C8orf34: variants seen among roughly 807,000 people sequenced by gnomAD.
The protein encoded by C8orf34 is uncharacterized protein C8orf34.
In C8orf34, 65 loss-of-function variants were observed where a neutral mutation model predicts 68.3. That is an observed-to-expected ratio of 0.95 (90% confidence interval 0.78 to 1.17). C8orf34 has a LOEUF of 1.17. Among genes scored for constraint, C8orf34 ranks in the 50% most tolerant of loss-of-function variants. C8orf34 has a pLI of 0.00. For missense variants in C8orf34, 664 were observed against 655.4 expected (o/e 1.01, Z -0.14); for synonymous variants, 244 against 241.2 (o/e 1.01, Z -0.11).
intron 10 of C8orf34, among the ~76,000 whole-genome samples, chr8:68,752,908 T>G (rs1822748994): frequency 6.6e-6 from 1 of 152,210 alleles, no homozygotes; most frequent in Non-Finnish European, 1.5e-5. Context: ...AGGATTTCTC[T>G]CTAGTTAGCT....
chr8:68,557,451 GT>G (rs1354249182), intron 7 of C8orf34, among the ~76,000 whole-genome samples: 3 of 152,094 alleles, frequency 2.0e-5, no homozygotes, highest in Non-Finnish European at 4.4e-5. Flanking sequence ...TCAAATTACT[GT>G]TTATTAGACA....
intron 8 of C8orf34, among the ~76,000 whole-genome samples, chr8:68,661,800 G>A (rs1034198194): frequency 6.6e-6 from 1 of 151,916 alleles, no homozygotes; most frequent in Non-Finnish European, 1.5e-5. Flanking sequence ...AGGTTCTCGG[G>A]GGACCCTTTC....
intron 7 of C8orf34, among the ~76,000 whole-genome samples, chr8:68,582,024 G>T (rs1053844352): frequency 1.3e-5 from 2 of 152,116 alleles, no homozygotes; most frequent in Non-Finnish European, 2.9e-5. Flanking sequence ...GAGGTGGAAA[G>T]GTTGTGATAC....
chr8:68,411,215 A>G (rs1229603887), intron 1 of C8orf34, among the ~76,000 whole-genome samples: 2 of 152,230 alleles, frequency 1.3e-5, no homozygotes, highest in African/African-American at 4.8e-5. Context: ...TAAGAAGCCA[A>G]TATCTATTCA....
At chr8:68,413,105 C>T (rs185644087) in intron 1 of C8orf34, among the ~76,000 whole-genome samples, 32 of 152,312 alleles carry the variant, frequency 2.1e-4, no homozygotes, top group African/African-American at 6.7e-4. Flanking sequence ...AACAACTTGT[C>T]TTGCTTTAAA....
intron 11 of C8orf34, among the ~76,000 whole-genome samples, chr8:68,786,011 T>C (rs554355548): frequency 1.3e-5 from 2 of 152,338 alleles, no homozygotes; most frequent in East Asian, 3.9e-4. Flanking sequence ...TCATGTTTCT[T>C]AAGTATCAAG....
intron 5 of C8orf34, among the ~76,000 whole-genome samples, chr8:68,504,741 G>A (rs1017192076): frequency 3.0e-4 from 45 of 150,290 alleles, no homozygotes; most frequent in African/African-American, 8.1e-4. Context: ...GTGGAGTGGT[G>A]TGATCTCAGC....
intron 1 of C8orf34, among the ~76,000 whole-genome samples, chr8:68,415,108 C>A (rs1034032780): frequency 3.3e-5 from 5 of 152,128 alleles, no homozygotes; most frequent in African/African-American, 1.2e-4. Context: ...CAATGTGGCC[C>A]TGGAGACTGG....
chr8:68,383,410 TC>T (rs1808126189), intron 1 of C8orf34, among the ~76,000 whole-genome samples: 1 of 152,204 alleles, frequency 6.6e-6, no homozygotes, highest in Non-Finnish European at 1.5e-5. Flanking sequence ...CATAGGTCTG[TC>T]TTGCTTGTTC....
rs1226829605 is a variant in C8orf34 at position 68,521,696 on chromosome 8, CAAA to C, written c.766-100_766-98del. On this transcript the variant is annotated intron_variant, in intron 5 of 13. Coordinates refer to ENST00000518698, the MANE Select transcript of C8orf34 (RefSeq NM_052958.4). Reference sequence around the variant, plus strand: ...GAAGTTTTGTATCAATTCAGAAAGACAAAAAGCATTTGACAGTCAAATATCTAG... The same window carrying C: ...GAAGTTTTGTATCAATTCAGAAAGACAAGCATTTGACAGTCAAATATCTAG... 3 of 1,009,494 alleles carry C rather than the reference CAAA, an allele frequency of 3.0e-6. No individual in the cohort carries two copies. The African/African-American group carries it at 4.9e-5, about 17-fold the overall frequency. The allele number at this position is 1,009,494 out of a possible 1,614,324, so 62.5% of individuals were successfully genotyped here. A position where few individuals can be genotyped will look rare whatever the true frequency, so the allele number is the denominator to read the frequency against.
chr8:68,378,541 G>A (rs1469158097), intron 1 of C8orf34, among the ~76,000 whole-genome samples: 3 of 152,084 alleles, frequency 2.0e-5, no homozygotes, highest in Non-Finnish European at 4.4e-5. Context: ...TCCTGCCTCA[G>A]CCTCCCAAAG....
chr8:68,593,185 T>C (rs548811490), intron 7 of C8orf34, among the ~76,000 whole-genome samples: 40 of 152,298 alleles, frequency 2.6e-4, no homozygotes, highest in African/African-American at 9.4e-4. Context: ...TATTAGTCTA[T>C]TAATTAAATC....
At chr8:68,511,415 T>A (rs1317778300) in intron 5 of C8orf34, among the ~76,000 whole-genome samples, 1 of 151,988 alleles carries the variant, frequency 6.6e-6, no homozygotes, top group Non-Finnish European at 1.5e-5. Flanking sequence ...GGGTACTAGT[T>A]GGAGTGGGGG....
chr8:68,436,932 G>C (rs1002346918), intron 1 of C8orf34, among the ~76,000 whole-genome samples: 3 of 152,136 alleles, frequency 2.0e-5, no homozygotes, highest in Non-Finnish European at 4.4e-5. Flanking sequence ...AGGGGTTTCT[G>C]TCAAGTTCAA....
intron 7 of C8orf34, among the ~76,000 whole-genome samples, chr8:68,614,162 T>G (rs1278439920): frequency 6.6e-6 from 1 of 152,144 alleles, no homozygotes; most frequent in Non-Finnish European, 1.5e-5. Context: ...TAAATTTGTT[T>G]GAGTTCATTG....
chr8:68,550,543 C>A (rs561228855), intron 7 of C8orf34, among the ~76,000 whole-genome samples: 1 of 151,920 alleles, frequency 6.6e-6, no homozygotes, highest in East Asian at 1.9e-4. Flanking sequence ...ATTTCACCTT[C>A]ACTTGTTTAT....
At chr8:68,499,129 C>T (rs530499053) in intron 5 of C8orf34, among the ~76,000 whole-genome samples, 2 of 152,238 alleles carry the variant, frequency 1.3e-5, no homozygotes, top group South Asian at 4.2e-4. Context: ...ATCTTTATGG[C>T]CATGTGTGAC....
chr8:68,665,878 A>G (rs750069189), intron 8 of C8orf34, among the ~76,000 whole-genome samples: 1 of 152,176 alleles, frequency 6.6e-6, no homozygotes, highest in Non-Finnish European at 1.5e-5. Context: ...TACTAGCTCC[A>G]TGAGGTCAGG....
chr8:68,700,452 G>C (rs1279854571), intron 8 of C8orf34, among the ~76,000 whole-genome samples: 1 of 152,116 alleles, frequency 6.6e-6, no homozygotes, highest in Non-Finnish European at 1.5e-5. Context: ...CTGGGACTTG[G>C]GGAGGATAGA....
Sources: gnomAD v4.1 joint callset for allele counts (sites outside exome capture counted in the v4.1 genomes callset) on GRCh38, gnomAD v4.1.1 for gene constraint, MANE v1.5 for transcripts, NCBI Gene and HGNC (gene_info 2026-07-23, HGNC 2026-07-21) for gene names.